Variants in SNX29 observed in about 807,000 individuals in gnomAD.
The protein encoded by SNX29 is sorting nexin 29.
SNX29 carries 78 observed loss-of-function variants against 102.1 expected under a neutral mutation model. The ratio of observed to expected loss-of-function variants is 0.76; its 90% CI spans 0.64 to 0.92. The LOEUF (loss-of-function observed/expected upper bound fraction) is 0.92. SNX29 is among the 40% of genes least tolerant of loss of function. The pLI is 0.00. For missense variants in SNX29, 1,280 were observed against 1,061.7 expected, an observed-to-expected ratio of 1.21 and a Z score of -2.86; for synonymous variants, 580 against 414.5, an observed-to-expected ratio of 1.40 and a Z score of -4.85.
intron 16 of SNX29, among the ~76,000 whole-genome samples, chr16:12,379,819 A>G (rs936722371): frequency 2.6e-5 from 4 of 152,134 alleles, no homozygotes; most frequent in African/African-American, 7.2e-5. Flanking sequence ...TAAGTCATCG[A>G]TCCCGGTGAG....
intron 1 of SNX29, among the ~76,000 whole-genome samples, chr16:11,990,792 C>G (rs1596538795): frequency 6.6e-6 from 1 of 152,312 alleles, no homozygotes; most frequent in East Asian, 1.9e-4. Flanking sequence ...CTACAGCCTG[C>G]TGGGGAACTC....
chr16:12,372,660 G>A (rs74008998), intron 16 of SNX29: 262 of 152,260 alleles, frequency 1.7e-3, no homozygotes, highest in African/African-American at 6.1e-3. Flanking sequence ...GCACAATGGT[G>A]GGGTTAGTTA....
At chr16:12,442,589 G>GT (rs1330837514) in intron 18 of SNX29, among the ~76,000 whole-genome samples, 9,942 of 142,282 alleles carry the variant, frequency 0.07, 419 homozygotes, top group Non-Finnish European at 0.095. Flanking sequence ...GTGTTTTTTT[G>GT]TTTTTTTTTT....
chr16:12,491,084 A>G (rs776162903), intron 19 of SNX29, among the ~76,000 whole-genome samples: 17 of 152,224 alleles, frequency 1.1e-4, no homozygotes, highest in Non-Finnish European at 2.4e-4. Flanking sequence ...ATTCATTTAG[A>G]TGCAGGGCAT....
chr16:12,494,043 A>G (rs1190317167), intron 19 of SNX29, among the ~76,000 whole-genome samples: 1 of 151,964 alleles, frequency 6.6e-6, no homozygotes, highest in Non-Finnish European at 1.5e-5. Context: ...ATTTGTTTCT[A>G]GGATCATTTT....
At chr16:12,472,246 G>A (rs1196945055) in intron 18 of SNX29, among the ~76,000 whole-genome samples, 1 of 152,106 alleles carries the variant, frequency 6.6e-6, no homozygotes, top group Non-Finnish European at 1.5e-5. Flanking sequence ...GAAGGCTGGG[G>A]GTGGTGGCTC....
At chr16:12,088,119 G>A (rs761437916) in intron 11 of SNX29, 7 of 456,698 alleles carry the variant, frequency 1.5e-5, no homozygotes, top group South Asian at 1.1e-4. Context: ...GGTGTCTGAG[G>A]CTGCAGGGCA....
rs1273937330 is a variant in SNX29 at position 12,125,603 on chromosome 16, C to CTTTTTTTTTTTTTTTTT, written c.1403-1029_1403-1028insTTTTTTTTTTTTTTTTT. On this transcript the variant is annotated intron_variant, in intron 11 of 20. Coordinates refer to ENST00000566228, the MANE Select transcript of SNX29 (RefSeq NM_032167.5). Reference sequence around the variant, plus strand: ...CAAGGGGGGCTTGTGGCTGAGATCTCTCTTTTTTTTTTTTTTTTTTTTTTT... The same window carrying CTTTTTTTTTTTTTTTTT: ...CAAGGGGGGCTTGTGGCTGAGATCTCTTTTTTTTTTTTTTTTTTCTTTTTTTTTTTTTTTTTTTTTTT... Among the ~76,000 whole-genome samples, 6 of 71,496 alleles carry CTTTTTTTTTTTTTTTTT rather than the reference C, an allele frequency of 8.4e-5. 3 individuals carry two copies. Among genetic ancestry groups the CTTTTTTTTTTTTTTTTT allele is most frequent in the African/African-American group, 1.1e-4 (2 of 18,864 alleles). The allele number at this position is 71,496 out of a possible 152,430, so 46.9% of individuals were successfully genotyped here.
At chr16:12,445,359 G>C (rs146348054) in intron 18 of SNX29, among the ~76,000 whole-genome samples, 1 of 152,206 alleles carries the variant, frequency 6.6e-6, no homozygotes, top group Non-Finnish European at 1.5e-5. Flanking sequence ...CCCCGCTTCA[G>C]GGCTCCTGTA....
chr16:12,556,177 C>G (rs536845211), intron 20 of SNX29, among the ~76,000 whole-genome samples: 4 of 152,148 alleles, frequency 2.6e-5, no homozygotes, highest in African/African-American at 7.2e-5. Context: ...ATGACACATC[C>G]CAGATGTTGC....
chr16:12,358,228 T>C (rs920998072), intron 16 of SNX29, among the ~76,000 whole-genome samples: 2 of 152,216 alleles, frequency 1.3e-5, no homozygotes, highest in African/African-American at 4.8e-5. Context: ...CTGCTGACGC[T>C]TTTACATCCC....
intron 19 of SNX29, among the ~76,000 whole-genome samples, chr16:12,479,739 G>A (rs896052276): frequency 1.3e-5 from 2 of 152,198 alleles, no homozygotes; most frequent in African/African-American, 4.8e-5. Flanking sequence ...GCTAACCAGC[G>A]TATTATCAAA....
At chr16:12,483,114 G>GTTTTTGT (rs71139598) in intron 19 of SNX29, among the ~76,000 whole-genome samples, 4,447 of 66,162 alleles carry the variant, frequency 0.067, 588 homozygotes, top group Middle Eastern at 0.16. Context: ...AAGTTATTAA[G>GTTTTTGT]TTTTTTTTTT....
chr16:12,563,585 G>A (rs965064433), intron 20 of SNX29, among the ~76,000 whole-genome samples: 7 of 145,346 alleles, frequency 4.8e-5, no homozygotes, highest in Admixed American at 4.1e-4. Context: ...TGGTGGCTTA[G>A]GCCTCCATGT....
intron 16 of SNX29, among the ~76,000 whole-genome samples, chr16:12,357,224 C>T (rs1431614972): frequency 6.6e-6 from 1 of 152,138 alleles, no homozygotes. Context: ...AACAATTATC[C>T]GTCACGGCCA....
rs543033854 is a variant in SNX29 at position 12,000,730 on chromosome 16, A to G, written c.69+1372A>G. On this transcript the variant is annotated intron_variant, in intron 2 of 20. Coordinates refer to ENST00000566228, the MANE Select transcript of SNX29 (RefSeq NM_032167.5). ...TTGAAGTGAGCCCAGAGAATGCAGT[A>G]TCTACGCAAGCCTTGAGGCATTGTA... Among the ~76,000 whole-genome samples the G allele has an allele frequency of 8.5e-5, 13 of 152,276 alleles. No homozygotes were observed. The South Asian group carries it at 1.2e-3, about 15-fold the overall frequency.
chr16:12,028,822 C>T (rs1317406054), intron 4 of SNX29, among the ~76,000 whole-genome samples: 3 of 151,264 alleles, frequency 2.0e-5, no homozygotes, highest in African/African-American at 4.9e-5. Context: ...CGTCTTGGCT[C>T]AATGCAACCT....
intron 20 of SNX29, among the ~76,000 whole-genome samples, chr16:12,556,015 C>G (rs180917343): frequency 3.3e-5 from 5 of 152,306 alleles, no homozygotes; most frequent in Non-Finnish European, 5.9e-5. Context: ...GTCCTGTGGA[C>G]TCATGCCATG....
At chr16:12,551,305 A>C (rs1176674216) in intron 20 of SNX29, among the ~76,000 whole-genome samples, 1 of 152,188 alleles carries the variant, frequency 6.6e-6, no homozygotes, top group Non-Finnish European at 1.5e-5. Flanking sequence ...TCAGCCCACC[A>C]AAAAGCCACT....
Sources: allele counts gnomAD v4.1 joint callset (sites outside exome capture counted in the v4.1 genomes callset), GRCh38; gene constraint gnomAD v4.1.1; transcripts MANE v1.5; gene names NCBI Gene and HGNC (gene_info 2026-07-23, HGNC 2026-07-21).